The following EPHA3 variants were observed in gnomAD, a reference collection of about 807,000 sequenced individuals.
EPHA3 encodes ephrin type-A receptor 3.
In EPHA3, 42 loss-of-function variants were observed where a neutral mutation model predicts 107.1. That is an observed-to-expected ratio of 0.39 (90% CI 0.31 to 0.51). The LOEUF (loss-of-function observed/expected upper bound fraction) is 0.51, where lower values mean the gene tolerates loss of function less well. Among genes scored for constraint, EPHA3 ranks in the 20% least tolerant of loss-of-function variants. The pLI, the probability that EPHA3 is intolerant of heterozygous loss-of-function variation, is 0.78. For missense variants in EPHA3, 1,183 were observed against 1,211.2 expected, an observed-to-expected ratio of 0.98 and a Z score of 0.35; for synonymous variants, 461 against 424.8, an observed-to-expected ratio of 1.09 and a Z score of -1.05.
At chr3:89,126,224 C>T (rs1311006541) in intron 1 of EPHA3, among the ~76,000 whole-genome samples, 1 of 151,688 alleles carries the variant, frequency 6.6e-6, no homozygotes, top group South Asian at 2.1e-4. Flanking sequence ...GTTTATGTAA[C>T]CTTCCTTCAC....
At chr3:89,435,643 A>G (rs6772121) in intron 13 of EPHA3, among the ~76,000 whole-genome samples, 14 of 147,322 alleles carry the variant, frequency 9.5e-5, no homozygotes, top group African/African-American at 3.5e-4. Flanking sequence ...TACTATATAT[A>G]TGTGTGTATA....
intron 2 of EPHA3, among the ~76,000 whole-genome samples, chr3:89,164,229 T>C (rs1456739373): frequency 6.6e-6 from 1 of 152,146 alleles, no homozygotes; most frequent in Non-Finnish European, 1.5e-5. Context: ...TTGCGCCACA[T>C]ATAAAATACA....
chr3:89,179,169 A>G (rs1207418845), intron 2 of EPHA3, among the ~76,000 whole-genome samples: 1 of 152,054 alleles, frequency 6.6e-6, no homozygotes, highest in East Asian at 1.9e-4. Context: ...TATGTTTGCC[A>G]ATGATTCAAG....
intron 1 of EPHA3, among the ~76,000 whole-genome samples, chr3:89,109,898 G>A (rs1313403657): frequency 6.6e-6 from 1 of 151,920 alleles, no homozygotes; most frequent in Non-Finnish European, 1.5e-5. Context: ...TGATTGTGAA[G>A]GGAAGCTTTA....
At chr3:89,361,125 T>C (rs993228359) in intron 5 of EPHA3, among the ~76,000 whole-genome samples, 3 of 151,070 alleles carry the variant, frequency 2.0e-5, no homozygotes, top group Non-Finnish European at 4.4e-5. Context: ...AGTGCACATA[T>C]GGTTTTTCAA....
intron 3 of EPHA3, among the ~76,000 whole-genome samples, chr3:89,314,235 T>G (rs1706839252): frequency 6.6e-6 from 1 of 151,210 alleles, no homozygotes; most frequent in South Asian, 2.1e-4. Context: ...CAGCACAAGG[T>G]CAAATTAATG....
intron 10 of EPHA3, among the ~76,000 whole-genome samples, chr3:89,415,627 C>T (rs1318432489): frequency 1.3e-5 from 2 of 150,762 alleles, no homozygotes. Context: ...TATGAATTAG[C>T]TTCCCACAGT....
At chr3:89,190,096 G>T (rs1189805831) in intron 2 of EPHA3, among the ~76,000 whole-genome samples, 1 of 152,080 alleles carries the variant, frequency 6.6e-6, no homozygotes, top group Non-Finnish European at 1.5e-5. Context: ...ACCATTTTAT[G>T]ACTACTTTAC....
chr3:89,378,638 A>C (rs754536798), intron 5 of EPHA3, among the ~76,000 whole-genome samples: 15 of 152,204 alleles, frequency 9.9e-5, no homozygotes, highest in Admixed American at 4.6e-4. Flanking sequence ...CACTTGCTCT[A>C]TATAGGCTAA....
At chr3:89,121,090 G>A (rs1707370356) in intron 1 of EPHA3, among the ~76,000 whole-genome samples, 1 of 151,998 alleles carries the variant, frequency 6.6e-6, no homozygotes, top group Non-Finnish European at 1.5e-5. Context: ...AACAAAATTA[G>A]CCAGGCGTGG....
intron 3 of EPHA3, among the ~76,000 whole-genome samples, chr3:89,219,694 T>TTTTTGTTTG (rs1559606304): frequency 2.6e-4 from 3 of 11,598 alleles, no homozygotes; most frequent in African/African-American, 1.0e-3. Flanking sequence ...CAATGTTTTT[T>TTTTTGTTTG]TTTTTTTTGT....
At chr3:89,285,003 G>C (rs1706045049) in intron 3 of EPHA3, among the ~76,000 whole-genome samples, 1 of 152,034 alleles carries the variant, frequency 6.6e-6, no homozygotes, top group South Asian at 2.1e-4. Flanking sequence ...GTGGGAGCCT[G>C]TAATCCTGGC....
chr3:89,260,716 A>G lies in EPHA3; in HGVS notation c.814+50196A>G, dbSNP rs149839176. On this transcript the variant is annotated intron_variant, in intron 3 of 16. Transcript: ENST00000336596. ...GGTGTAAGATTTACCTAAAGCTTTA[A>G]CAACAAAATTTAACAATATTCTTCA... Among the ~76,000 whole-genome samples the G allele has an allele frequency of 9.2e-5, 14 of 152,308 alleles. 1 individual carries two copies. The East Asian group carries it at 2.7e-3, about 29-fold the overall frequency.
chr3:89,242,852 C>T (rs1704936711), intron 3 of EPHA3, among the ~76,000 whole-genome samples: 1 of 151,872 alleles, frequency 6.6e-6, no homozygotes, highest in Non-Finnish European at 1.5e-5. Flanking sequence ...GTGCTGCACC[C>T]ATTAACTCGT....
intron 3 of EPHA3, among the ~76,000 whole-genome samples, chr3:89,253,967 G>C (rs1246669410): frequency 6.6e-6 from 1 of 151,900 alleles, no homozygotes; most frequent in Non-Finnish European, 1.5e-5. Context: ...AGAAAACTAT[G>C]TTTAACCTTC....
chr3:89,300,311 T>G (rs1706452028), intron 3 of EPHA3, among the ~76,000 whole-genome samples: 1 of 152,054 alleles, frequency 6.6e-6, no homozygotes, highest in South Asian at 2.1e-4. Flanking sequence ...TTACAGCCTA[T>G]TTAGAATTGT....
chr3:89,108,821 T>G (rs573560681), intron 1 of EPHA3, among the ~76,000 whole-genome samples: 5 of 152,318 alleles, frequency 3.3e-5, no homozygotes, highest in African/African-American at 1.2e-4. Context: ...AAATAATTGA[T>G]TAGTGTAAAG....
chr3:89,414,658 C>T lies in EPHA3; in HGVS notation c.1888+1392C>T, dbSNP rs142939746. On this transcript the variant is annotated intron_variant, in intron 10 of 16. Transcript: ENST00000336596. ...ATATGTTGAGAGGAGGAAAAGGTTA[C>T]TTATGCTAAGCCACTGTCCAAAAGC... 2.1e-3 allele frequency among the ~76,000 whole-genome samples: 316 copies of T among 151,690 alleles called. 10 individuals carry two copies. The East Asian group carries it at 0.057, about 27-fold the overall frequency.
intron 15 of EPHA3, among the ~76,000 whole-genome samples, chr3:89,467,660 G>A (rs1710313496): frequency 6.6e-6 from 1 of 152,066 alleles, no homozygotes; most frequent in Non-Finnish European, 1.5e-5. Context: ...GCTAAAATAG[G>A]AATTGATGGG....
Sources: gnomAD v4.1 joint callset for allele counts (sites outside exome capture counted in the v4.1 genomes callset) on GRCh38, gnomAD v4.1.1 for gene constraint, MANE v1.5 for transcripts, NCBI Gene and HGNC (gene_info 2026-07-23, HGNC 2026-07-21) for gene names.